The following ARHGAP32 variants were observed in gnomAD, a reference collection of about 807,000 sequenced individuals.
ARHGAP32 encodes the protein Rho GTPase activating protein 32.
Under a neutral mutation model 186.5 loss-of-function variants are expected in ARHGAP32, and 51 were observed. The observed-to-expected ratio is 0.27, with a 90% CI of 0.22 to 0.35. The LOEUF (loss-of-function observed/expected upper bound fraction) is 0.35. Among genes scored for constraint, ARHGAP32 ranks in the 10% least tolerant of loss-of-function variants. The pLI, the probability that ARHGAP32 is intolerant of heterozygous loss-of-function variation, is 1.00. For missense variants in ARHGAP32, 2,186 were observed against 2,623.5 expected (o/e 0.83, Z 3.64); for synonymous variants, 950 against 964.3 (o/e 0.99, Z 0.27).
At position 128,969,714 on chromosome 11, in the gene ARHGAP32, G is replaced by A; in HGVS notation, c.5499C>T (p.Ile1833=). The change falls in exon 23 of 23, where the codon ATC becomes ATT. Residue 1833 remains isoleucine (I), a synonymous_variant. Transcript: ENST00000682385. The surrounding 1 kb of genome is among the most constrained non-coding windows in gnomAD (Gnocchi z 4.8). ...AGAAGCGGTCCTCTCCCTCGGGACTGATGGCCTTGGCTGCATGGCGGCTCT... is the reference window on the plus strand; with the variant it reads ...AGAAGCGGTCCTCTCCCTCGGGACTAATGGCCTTGGCTGCATGGCGGCTCT... ...GKESRHAAKA[I]SPEGEDRFYR... 1 of 1,614,194 alleles carries A rather than the reference G, an allele frequency of 6.2e-7. No individual in the cohort carries two copies. The highest frequency in any genetic ancestry group is 8.5e-7 in the Non-Finnish European group (1 of 1,180,034).
chr11:128,986,379 C>A (rs968964837), intron 14 of ARHGAP32, 145 bp downstream of exon 14: 17 of 852,508 alleles, frequency 2.0e-5, no homozygotes, highest in Admixed American at 2.7e-5. Context: ...AGACCACCGA[C>A]TAGCTGGCAA....
chr11:129,004,960 C>T (rs1244676320), intron 11 of ARHGAP32, among the ~76,000 whole-genome samples: 2 of 151,976 alleles, frequency 1.3e-5, no homozygotes, highest in Non-Finnish European at 2.9e-5. Context: ...TTCCTTCCTT[C>T]CTGTCTTCCT....
At chr11:129,268,138 T>G (rs1431118726) in intron 1 of ARHGAP32, among the ~76,000 whole-genome samples, 1 of 152,084 alleles carries the variant, frequency 6.6e-6, no homozygotes, top group Non-Finnish European at 1.5e-5. Flanking sequence ...CCAAAAATGT[T>G]AGGGATGGGC....
Position 128,978,823 on chromosome 11 carries a change from T to C in ARHGAP32, c.2069A>G (p.Lys690Arg). ...LGKSSSVSKR[K>R]LQRNESEPSE... ...AGGCTCACTCTCATTCCGCTGCAGC[T>C]TTCGTTTAGAAACAGATGATGATTT... Residue 690 changes from lysine to arginine, a missense_variant, in exon 19 of 23, where the codon AAG becomes AGG. Physicochemically the swap from Lys to Arg is conservative, Grantham distance 26. Transcript: ENST00000682385. 6.2e-7 allele frequency: 1 copy of C among 1,613,428 alleles called. No individual in the cohort carries two copies. Among genetic ancestry groups the C allele is most frequent in the Non-Finnish European group, 8.5e-7 (1 of 1,179,708 alleles).
At chr11:129,230,041 C>T (rs1466553631) in intron 1 of ARHGAP32, among the ~76,000 whole-genome samples, 1 of 152,100 alleles carries the variant, frequency 6.6e-6, no homozygotes, top group Non-Finnish European at 1.5e-5. Context: ...TCTCAAACTC[C>T]TGGGCACAAG....
intron 2 of ARHGAP32, among the ~76,000 whole-genome samples, chr11:129,149,847 A>G (rs1943250070): frequency 6.6e-6 from 1 of 152,188 alleles, no homozygotes; most frequent in African/African-American, 2.4e-5. Flanking sequence ...AAGCTAATCA[A>G]GAAGACACCA....
chr11:129,016,235 C>T (rs1386216745), intron 11 of ARHGAP32, among the ~76,000 whole-genome samples: 1 of 152,008 alleles, frequency 6.6e-6, no homozygotes, highest in Non-Finnish European at 1.5e-5. Context: ...CTTTTTCTTA[C>T]TGATGAATAA....
At position 129,144,470 on chromosome 11, in the gene ARHGAP32, C is replaced by T. The variant is rs1943127764; in HGVS notation, c.226-19576G>A. 2.0e-5 allele frequency among the ~76,000 whole-genome samples: 3 copies of T among 152,138 alleles called. No homozygotes were observed. In the South Asian group the frequency reaches 6.2e-4, roughly 32 times the overall value. On this transcript the variant is annotated intron_variant, in intron 2 of 22. Transcript: ENST00000682385. ...CTTCACATATAAGAAAACTCAAGAG[C>T]TCTGAACTAAAAATAGTGCTAAATG... is the stretch of plus-strand genomic sequence containing the variant.
chr11:129,033,091 T>C (rs1278294215), intron 11 of ARHGAP32, among the ~76,000 whole-genome samples: 1 of 152,258 alleles, frequency 6.6e-6, no homozygotes, highest in Non-Finnish European at 1.5e-5. Context: ...TGAGATTCAA[T>C]CATGTTGTTG....
At position 128,980,686 on chromosome 11, in the gene ARHGAP32, C is replaced by T. The variant is rs917589346; in HGVS notation, c.1843G>A (p.Glu615Lys). The change falls in exon 18 of 23, where the codon GAA becomes AAA. Residue 615 changes from glutamate to lysine, a missense_variant. By Grantham distance (56) the Glu-to-Lys change is moderately conservative (BLOSUM62 1). This residue lies in a region of ARHGAP32 where 263 missense variants were observed against 323.5 expected (regional missense o/e 0.81). Coordinates refer to ENST00000682385, the MANE Select transcript of ARHGAP32 (RefSeq NM_001378024.1). ...SSPSTKLLTL[E>K]EAQARTQAQV... The stretch of plus-strand genomic sequence containing the variant: ...GCTTGTGTTCGTGCCTGGGCCTCTT[C>T]CAATGTCAGCAGTTTGGTGGATGGA... The T allele has an allele frequency of 6.2e-7, 1 of 1,613,758 alleles. No individual in the cohort carries two copies. Among genetic ancestry groups the T allele is most frequent in the African/African-American group, 1.3e-5 (1 of 74,890 alleles).
chr11:129,220,375 C>G (rs184226065), intron 1 of ARHGAP32, among the ~76,000 whole-genome samples: 65 of 152,082 alleles, frequency 4.3e-4, no homozygotes, highest in African/African-American at 1.5e-3. Context: ...AATGAAAATC[C>G]GTGAATAAAC....
chr11:129,084,763 G>C lies in ARHGAP32; in HGVS notation c.531+8858C>G, dbSNP rs1440910354. ...ATCAAAAACAAAGCAATGATGTTCT[G>C]TAATCAATTCTTTTCAAGATAGTAT... On this transcript the variant is annotated intron_variant, in intron 6 of 22. Coordinates refer to ENST00000682385, the MANE Select transcript of ARHGAP32 (RefSeq NM_001378024.1). Among the ~76,000 whole-genome samples, 4 of 152,134 alleles carry C rather than the reference G, an allele frequency of 2.6e-5. No homozygotes were observed. In the East Asian group the frequency reaches 7.7e-4, roughly 29 times the overall value.
chr11:129,202,598 C>G (rs1172323563), intron 1 of ARHGAP32, among the ~76,000 whole-genome samples: 1 of 152,108 alleles, frequency 6.6e-6, no homozygotes, highest in Non-Finnish European at 1.5e-5. Context: ...ATCAAGATCT[C>G]AGAATCATGA....
At chr11:129,171,162 G>T (rs1446545416) in intron 1 of ARHGAP32, among the ~76,000 whole-genome samples, 1 of 152,122 alleles carries the variant, frequency 6.6e-6, no homozygotes, top group Non-Finnish European at 1.5e-5. Flanking sequence ...TGTGGAGATG[G>T]TATTTTGTTT....
At chr11:129,062,067 C>T (rs1940523232) in intron 10 of ARHGAP32, among the ~76,000 whole-genome samples, 3 of 152,048 alleles carry the variant, frequency 2.0e-5, no homozygotes, top group African/African-American at 7.2e-5. Context: ...GGCTTCACCA[C>T]CATTTAAAGA....
In ARHGAP32 at chr11:128,988,076, G is replaced by A. The variant is rs780938949; in HGVS notation, c.1245C>T (p.Ile415=). The A allele has an allele frequency of 1.2e-5, 19 of 1,613,372 alleles. No individual in the cohort carries two copies. Among genetic ancestry groups the A allele is most frequent in the Admixed American group, 3.3e-5 (2 of 59,972 alleles). Residue 415 remains isoleucine, a synonymous_variant, in exon 13 of 23, where the codon ATC becomes ATT. Coordinates refer to ENST00000682385, the MANE Select transcript of ARHGAP32 (RefSeq NM_001378024.1). ...SCTAFIERYG[I]VDGIYRLSGV... The stretch of plus-strand genomic sequence containing the variant: ...CAGAAAGGCGATAGATTCCATCCAC[G>A]ATGCCATATCTCTCAATGAATGCTG...
At chr11:129,186,028 T>A (rs1412734231) in intron 1 of ARHGAP32, among the ~76,000 whole-genome samples, 1 of 150,922 alleles carries the variant, frequency 6.6e-6, no homozygotes, top group Non-Finnish European at 1.5e-5. Context: ...ATATTTAATT[T>A]AAAAAAAAAG....
chr11:129,043,580 T>G (rs71481845), intron 10 of ARHGAP32, among the ~76,000 whole-genome samples: 30,813 of 151,284 alleles, frequency 0.2, 3,276 homozygotes, highest in Non-Finnish European at 0.22. Flanking sequence ...TAGAGATGGG[T>G]TTTCTCCATG....
rs1408852307 is a variant in ARHGAP32 at position 129,062,356 on chromosome 11, A to T, written c.887T>A (p.Val296Glu). The T allele has an allele frequency of 7.4e-6, 12 of 1,611,348 alleles. No homozygotes were observed. The highest frequency in any genetic ancestry group is 1.0e-5 in the Non-Finnish European group (12 of 1,178,750). Residue 296 changes from valine to glutamate, a missense_variant and splice_region_variant, in exon 10 of 23, where the codon GTG becomes GAG. Coordinates refer to ENST00000682385, the MANE Select transcript of ARHGAP32 (RefSeq NM_001378024.1). ...ARAPDELTLE[V>E]GDIVSVIDMP... ...GTCAATAACAGAAACAATGTCTCCCACCTAGGAGAATCAAAATTTTAAGCA... is the reference window on the plus strand; with the variant it reads ...GTCAATAACAGAAACAATGTCTCCCTCCTAGGAGAATCAAAATTTTAAGCA...
Sources: gnomAD v4.1 joint callset for allele counts (sites outside exome capture counted in the v4.1 genomes callset) on GRCh38, gnomAD v4.1.1 for gene constraint, gnomAD v4.1.1 regional missense constraint, Gnocchi (gnomAD v3.1) non-coding constraint, MANE v1.5 for transcripts, NCBI Gene and HGNC (gene_info 2026-07-23, HGNC 2026-07-21) for gene names.